Variants in CADM2 observed in about 807,000 individuals in gnomAD.
CADM2 encodes immunoglobulin superfamily member 4D.
CADM2 carries 12 observed loss-of-function variants against 49.8 expected under a neutral mutation model. That is an observed-to-expected ratio of 0.24 (90% CI 0.15 to 0.39). CADM2 has a LOEUF of 0.39. Ranked by LOEUF, CADM2 falls within the 10% of genes least tolerant of loss-of-function variation. The pLI, the probability that CADM2 is intolerant of heterozygous loss-of-function variation, is 1.00. For synonymous variants in CADM2, 214 were observed against 175.4 expected, an observed-to-expected ratio of 1.22 and a Z score of -1.74; for missense variants, 378 against 492.3, an observed-to-expected ratio of 0.77 and a Z score of 2.20.
intron 1 of CADM2, among the ~76,000 whole-genome samples, chr3:85,059,975 AT>A (rs138841950): frequency 0.048 from 7,266 of 152,180 alleles, 558 homozygotes; most frequent in African/African-American, 0.16. Flanking sequence ...AGAGCCAAGG[AT>A]AAAAGTCAGT....
intron 5 of CADM2, among the ~76,000 whole-genome samples, chr3:85,890,757 T>G (rs1380947208): frequency 1.3e-5 from 2 of 152,156 alleles, no homozygotes; most frequent in African/African-American, 2.4e-5. Context: ...GCAGTGATTT[T>G]GGGATCCTGA....
At chr3:85,721,453 A>C (rs923821769) in intron 1 of CADM2, among the ~76,000 whole-genome samples, 1 of 152,128 alleles carries the variant, frequency 6.6e-6, no homozygotes, top group African/African-American at 2.4e-5. Context: ...CACTCGGCTC[A>C]CACTACTGGC....
intron 8 of CADM2, among the ~76,000 whole-genome samples, chr3:86,041,359 T>G (rs1207199769): frequency 6.6e-6 from 1 of 151,984 alleles, no homozygotes; most frequent in Non-Finnish European, 1.5e-5. Context: ...GAGACACACA[T>G]AGGCTCAAAA....
intron 8 of CADM2, among the ~76,000 whole-genome samples, chr3:86,044,894 T>A (rs540050408): frequency 1.7e-4 from 26 of 152,136 alleles, no homozygotes; most frequent in African/African-American, 6.0e-4. Context: ...AAATGATGAG[T>A]TCATGTCCTT....
intron 1 of CADM2, among the ~76,000 whole-genome samples, chr3:85,261,368 T>A (rs1024990238): frequency 2.6e-5 from 4 of 152,094 alleles, no homozygotes; most frequent in Non-Finnish European, 5.9e-5. Context: ...ACTCCTGACC[T>A]AGTGATCCAC....
At chr3:85,335,805 G>A (rs2045065019) in intron 1 of CADM2, among the ~76,000 whole-genome samples, 3 of 151,298 alleles carry the variant, frequency 2.0e-5, no homozygotes, top group Admixed American at 2.0e-4. Context: ...CAACTATCTG[G>A]TACATGTCTT....
chr3:86,020,310 A>T (rs1210211694), intron 8 of CADM2, among the ~76,000 whole-genome samples: 1 of 151,782 alleles, frequency 6.6e-6, no homozygotes, highest in Non-Finnish European at 1.5e-5. Flanking sequence ...CTCTGAATAG[A>T]CCAATAACAG....
In CADM2 at chr3:85,816,323, C is replaced by T. The variant is rs190069944; in HGVS notation, c.238+14127C>T. 7.9e-5 allele frequency among the ~76,000 whole-genome samples: 12 copies of T among 151,648 alleles called. No individual in the cohort carries two copies. The East Asian group carries it at 2.3e-3, about 29-fold the overall frequency. On this transcript the variant is annotated intron_variant, in intron 3 of 9. Coordinates refer to ENST00000383699, the MANE Select transcript of CADM2 (RefSeq NM_001167675.2). ...TTAGAGGCCACTGTATTTTACTGTT[C>T]CAGTTTCAACATTCCAGGAGAGAGA...
intron 1 of CADM2, among the ~76,000 whole-genome samples, chr3:85,050,592 T>C (rs2035845491): frequency 6.6e-6 from 1 of 152,100 alleles, no homozygotes; most frequent in Non-Finnish European, 1.5e-5. Flanking sequence ...AGTAGAGAAG[T>C]GAGAGATCTA....
chr3:85,142,447 A>T (rs1352830482), intron 1 of CADM2, among the ~76,000 whole-genome samples: 2 of 152,204 alleles, frequency 1.3e-5, no homozygotes, highest in Non-Finnish European at 2.9e-5. Context: ...GAAATTATCC[A>T]AAAGGATTTG....
At chr3:85,822,274 A>C (rs569859408) in intron 3 of CADM2, among the ~76,000 whole-genome samples, 2 of 152,272 alleles carry the variant, frequency 1.3e-5, no homozygotes, top group Admixed American at 6.5e-5. Context: ...CAGCAAGTTT[A>C]GGATATTTAT....
At chr3:85,072,622 C>T (rs2107477121) in intron 1 of CADM2, among the ~76,000 whole-genome samples, 1 of 152,204 alleles carries the variant, frequency 6.6e-6, no homozygotes, top group East Asian at 1.9e-4. Flanking sequence ...CTCCCATTAA[C>T]ACTAATAGTG....
At chr3:85,351,933 G>A (rs1242698580) in intron 1 of CADM2, among the ~76,000 whole-genome samples, 1 of 151,608 alleles carries the variant, frequency 6.6e-6, no homozygotes, top group Non-Finnish European at 1.5e-5. Flanking sequence ...GAGAAATGGT[G>A]GAAATAATAT....
intron 1 of CADM2, among the ~76,000 whole-genome samples, chr3:85,709,986 G>A (rs2067068684): frequency 6.6e-6 from 1 of 152,262 alleles, no homozygotes; most frequent in African/African-American, 2.4e-5. Context: ...AGCCTGGAAA[G>A]TGTGTTACCT....
intron 8 of CADM2, among the ~76,000 whole-genome samples, chr3:86,020,260 AC>A (rs1279383733): frequency 1.3e-5 from 2 of 151,684 alleles, no homozygotes; most frequent in African/African-American, 4.8e-5. Flanking sequence ...ATTCCTCGAC[AC>A]ATACACTCTC....
At chr3:86,030,460 T>C (rs1470083321) in intron 8 of CADM2, among the ~76,000 whole-genome samples, 1 of 151,996 alleles carries the variant, frequency 6.6e-6, no homozygotes. Flanking sequence ...ATTGTAATAT[T>C]TATGATTTAT....
At chr3:85,384,179 G>T (rs1292834879) in intron 1 of CADM2, among the ~76,000 whole-genome samples, 1 of 152,022 alleles carries the variant, frequency 6.6e-6, no homozygotes. Context: ...TCTGAAGAAA[G>T]AAAAACGACA....
intron 1 of CADM2, among the ~76,000 whole-genome samples, chr3:85,686,389 G>A (rs143043044): frequency 6.6e-6 from 1 of 152,094 alleles, no homozygotes; most frequent in Non-Finnish European, 1.5e-5. Flanking sequence ...TCCTAAAAAT[G>A]TTAATGAAAA....
chr3:84,990,090 TC>T (rs1008932484), intron 1 of CADM2, among the ~76,000 whole-genome samples: 2 of 151,750 alleles, frequency 1.3e-5, no homozygotes, highest in African/African-American at 2.4e-5. Context: ...TATTTAATGA[TC>T]CCATTATATT....
Sources: allele counts gnomAD v4.1 joint callset (sites outside exome capture counted in the v4.1 genomes callset), GRCh38; gene constraint gnomAD v4.1.1; transcripts MANE v1.5; gene names NCBI Gene and HGNC (gene_info 2026-07-23, HGNC 2026-07-21).